The following RBMS3 variants were observed in gnomAD, a reference collection of about 807,000 sequenced individuals.
The protein encoded by RBMS3 is RNA binding motif single stranded interacting protein 3.
In RBMS3, 27 loss-of-function variants were observed where a neutral mutation model predicts 66.8. The observed-to-expected ratio is 0.40, with a 90% CI of 0.30 to 0.56. The LOEUF is 0.56. RBMS3 is among the 20% of genes least tolerant of loss of function. The pLI is 0.40. For synonymous variants in RBMS3, 188 were observed against 183.0 expected (o/e 1.03, Z -0.22); for missense variants, 513 against 549.5 (o/e 0.93, Z 0.66).
At chr3:29,605,040 C>T (rs2048276171) in intron 4 of RBMS3, among the ~76,000 whole-genome samples, 1 of 151,840 alleles carries the variant, frequency 6.6e-6, no homozygotes, top group African/African-American at 2.4e-5. Flanking sequence ...TTTCTCATAG[C>T]TTGTTTTGTA....
intron 3 of RBMS3, among the ~76,000 whole-genome samples, chr3:29,498,635 A>G (rs1181084468): frequency 6.6e-6 from 1 of 152,198 alleles, no homozygotes; most frequent in Non-Finnish European, 1.5e-5. Context: ...AAGGCACATA[A>G]CATCTCTGAA....
chr3:29,884,248 A>G (rs767872208), intron 8 of RBMS3, 40 bp downstream of exon 8: 4 of 1,538,154 alleles, frequency 2.6e-6, no homozygotes, highest in Middle Eastern at 1.7e-4. Context: ...TTGTGAATAG[A>G]TCTTTGAGCT....
At chr3:29,474,563 T>C (rs1158710379) in intron 2 of RBMS3, among the ~76,000 whole-genome samples, 1 of 152,222 alleles carries the variant, frequency 6.6e-6, no homozygotes, top group East Asian at 1.9e-4. Context: ...ACAACTTATG[T>C]TGAACACCTA....
At chr3:29,741,605 A>G (rs183836192) in intron 5 of RBMS3, among the ~76,000 whole-genome samples, 18 of 152,344 alleles carry the variant, frequency 1.2e-4, no homozygotes, top group Non-Finnish European at 2.2e-4. Flanking sequence ...CATTAAGAGC[A>G]CATATTTCCA....
intron 2 of RBMS3, among the ~76,000 whole-genome samples, chr3:29,440,159 A>G (rs187947355): frequency 1.7e-4 from 26 of 152,358 alleles, no homozygotes; most frequent in African/African-American, 5.8e-4. Context: ...CCTAAAAAAT[A>G]AAATCAAACG....
rs1195616108 is a variant in RBMS3 at position 29,284,866 on chromosome 3, T to TC, written c.75+3110_75+3111insC. Among the ~76,000 whole-genome samples the TC allele has an allele frequency of 1.1e-3, 145 of 131,908 alleles. 1 individual carries two copies. The highest frequency in any genetic ancestry group is 3.5e-3 in the African/African-American group (131 of 36,930). 86.5% of individuals were successfully genotyped at this position (131,908 alleles called of 152,430 possible). A position where few individuals can be genotyped will look rare whatever the true frequency, so the allele number is the denominator to read the frequency against. ...TTTTCTTTTTGATGAATTTTTCTTT[T>TC]TTTTTTTTTTTTTTTTTACCAAAAG... On this transcript the variant is annotated intron_variant, in intron 1 of 14. Transcript: ENST00000383767.
rs554048863 is a variant in RBMS3 at position 29,626,344 on chromosome 3, A to G, written c.399+39139A>G. Among the ~76,000 whole-genome samples, 14 of 152,302 alleles carry G rather than the reference A, an allele frequency of 9.2e-5. No homozygotes were observed. The Middle Eastern group carries it at 0.014, about 148-fold the overall frequency. On this transcript the variant is annotated intron_variant, in intron 4 of 14. Transcript: ENST00000383767. ...AATGATAATAATAACAGGAGACTAC[A>G]AAAAGTCAGGAACATCTGATTGAAA...
At chr3:29,770,556 T>C (rs2056156159) in intron 6 of RBMS3, among the ~76,000 whole-genome samples, 2 of 151,986 alleles carry the variant, frequency 1.3e-5, no homozygotes, top group South Asian at 2.1e-4. Context: ...AGGTTTTCTA[T>C]ACATCTCCAA....
chr3:29,888,629 C>G (rs1371428209), intron 8 of RBMS3, among the ~76,000 whole-genome samples: 1 of 151,712 alleles, frequency 6.6e-6, no homozygotes, highest in Non-Finnish European at 1.5e-5. Flanking sequence ...TTCTAGCTTA[C>G]TAGGTACTGC....
intron 6 of RBMS3, among the ~76,000 whole-genome samples, chr3:29,858,299 CT>C (rs1212613497): frequency 6.6e-6 from 1 of 151,958 alleles, no homozygotes; most frequent in Non-Finnish European, 1.5e-5. Context: ...AAAATTTCAT[CT>C]TATATGTAGT....
intron 2 of RBMS3, among the ~76,000 whole-genome samples, chr3:29,454,947 T>C (rs2042132148): frequency 6.6e-6 from 1 of 152,204 alleles, no homozygotes; most frequent in African/African-American, 2.4e-5. Context: ...AAAATGTAGC[T>C]ATGCATTTCA....
At chr3:29,849,634 G>A (rs1370667207) in intron 6 of RBMS3, among the ~76,000 whole-genome samples, 2 of 151,986 alleles carry the variant, frequency 1.3e-5, no homozygotes, top group Non-Finnish European at 2.9e-5. Flanking sequence ...TTTTTATATG[G>A]TAACTTGTTT....
intron 3 of RBMS3, among the ~76,000 whole-genome samples, chr3:29,524,252 T>G (rs2044984677): frequency 6.6e-6 from 1 of 152,058 alleles, no homozygotes; most frequent in African/African-American, 2.4e-5. Flanking sequence ...CTTACAGAGG[T>G]TTCAGTGAAA....
chr3:29,809,338 G>GA (rs5847597), intron 6 of RBMS3, among the ~76,000 whole-genome samples: 55 of 146,364 alleles, frequency 3.8e-4, no homozygotes, highest in East Asian at 1.9e-3. Context: ...TGATCAGTGG[G>GA]AAAAAAAAAA....
chr3:29,689,744 T>C (rs762836491), intron 4 of RBMS3, among the ~76,000 whole-genome samples: 1 of 151,538 alleles, frequency 6.6e-6, no homozygotes, highest in Non-Finnish European at 1.5e-5. Context: ...CAAAGAAATC[T>C]CTGCTTGCAT....
chr3:29,906,629 T>C (rs2060385463), intron 10 of RBMS3, among the ~76,000 whole-genome samples: 2 of 152,116 alleles, frequency 1.3e-5, no homozygotes, highest in African/African-American at 4.8e-5. Context: ...ATATACTAAT[T>C]TTATTCATTT....
Position 29,688,564 on chromosome 3 carries a change from A to ATTTTTT in RBMS3, c.400-51124_400-51119dup, listed in dbSNP as rs55943638. ...TCACATCAGGCACAAAAGTTACAGG[A>ATTTTTT]TTTTTTTTTTTTTTTTTTTTTTTTT... is the stretch of plus-strand genomic sequence containing the variant. On this transcript the variant is annotated intron_variant, in intron 4 of 14. Coordinates refer to ENST00000383767, the MANE Select transcript of RBMS3 (RefSeq NM_001003793.3). Among the ~76,000 whole-genome samples, 5 of 67,130 alleles carry ATTTTTT rather than the reference A, an allele frequency of 7.4e-5. 1 individual carries two copies. Among genetic ancestry groups the ATTTTTT allele is most frequent in the Non-Finnish European group, 1.0e-4 (4 of 39,976 alleles). The allele number at this position is 67,130 out of a possible 152,430, so 44.0% of individuals were successfully genotyped here. A position where few individuals can be genotyped will look rare whatever the true frequency, so the allele number is the denominator to read the frequency against.
chr3:29,601,517 T>G (rs887473463), intron 4 of RBMS3, among the ~76,000 whole-genome samples: 1 of 151,520 alleles, frequency 6.6e-6, no homozygotes, highest in African/African-American at 2.4e-5. Flanking sequence ...ATACTCAGTA[T>G]GATGAAGTGA....
At chr3:29,297,611 G>C (rs573998020) in intron 1 of RBMS3, among the ~76,000 whole-genome samples, 2 of 151,948 alleles carry the variant, frequency 1.3e-5, no homozygotes, top group East Asian at 3.9e-4. Context: ...TTGGAAAGGA[G>C]TGCAAGTCTG....
Sources: gnomAD v4.1 joint callset for allele counts (sites outside exome capture counted in the v4.1 genomes callset) on GRCh38, gnomAD v4.1.1 for gene constraint, MANE v1.5 for transcripts, NCBI Gene and HGNC (gene_info 2026-07-23, HGNC 2026-07-21) for gene names.